Variants in ANTXR2 observed in about 807,000 individuals in gnomAD.
ANTXR2 encodes anthrax toxin receptor 2.
In ANTXR2, 44 loss-of-function variants were observed where a neutral mutation model predicts 73.7. That is an observed-to-expected ratio of 0.60 (90% CI 0.47 to 0.77). The LOEUF is 0.77. Among genes scored for constraint, ANTXR2 ranks in the 30% least tolerant of loss-of-function variants. ANTXR2 has a pLI of 0.00. For synonymous variants in ANTXR2, 217 were observed against 205.9 expected (o/e 1.05, Z -0.46); for missense variants, 604 against 592.5 (o/e 1.02, Z -0.20).
intron 7 of ANTXR2, among the ~76,000 whole-genome samples, chr4:80,036,631 C>G (rs1000305292): frequency 6.6e-6 from 1 of 151,814 alleles, no homozygotes; most frequent in African/African-American, 2.4e-5. Context: ...TGAATCCTGT[C>G]TCTACTAAAA....
chr4:79,925,925 GC>G, intron 16 of ANTXR2, among the ~76,000 whole-genome samples: 1 of 152,116 alleles, frequency 6.6e-6, no homozygotes, highest in Middle Eastern at 3.4e-3. Context: ...TTCTTTGGTT[GC>G]TTTTCACATT....
At chr4:79,952,576 C>T (rs1239006491) in intron 16 of ANTXR2, among the ~76,000 whole-genome samples, 1 of 151,724 alleles carries the variant, frequency 6.6e-6, no homozygotes, top group Non-Finnish European at 1.5e-5. Flanking sequence ...AATTATAGCA[C>T]TTATAATTTA....
At chr4:79,977,791 ATCT>A in intron 15 of ANTXR2, 90 bp from the exon 16 acceptor site, 1 of 1,348,982 alleles carries the variant, frequency 7.4e-7, no homozygotes, top group East Asian at 2.5e-5. Flanking sequence ...AGAAAGTAAA[ATCT>A]TCTTTACCCT....
intron 16 of ANTXR2, among the ~76,000 whole-genome samples, chr4:79,923,443 T>C (rs1339792852): frequency 6.6e-6 from 1 of 151,952 alleles, no homozygotes; most frequent in African/African-American, 2.4e-5. Flanking sequence ...CATCAATTAA[T>C]AGGGAAGTGG....
At position 79,926,947 on chromosome 4, in the gene ANTXR2, A is replaced by G. The variant is rs13144654; in HGVS notation, c.1429-19480T>C. Among the ~76,000 whole-genome samples the G allele has an allele frequency of 6.3e-3, 423 of 67,456 alleles. No homozygotes were observed. The East Asian group carries it at 0.1, about 16-fold the overall frequency. The allele number at this position is 67,456 out of a possible 152,430, so 44.3% of individuals were successfully genotyped here. A position where few individuals can be genotyped will look rare whatever the true frequency, so the allele number is the denominator to read the frequency against. On this transcript the variant is annotated intron_variant, in intron 16 of 16. Transcript: ENST00000403729. Reference sequence around the variant, plus strand: ...TATATACACATGTGCATATATGTGTATATATACGTGTGCATATATGTGTAT... The same window carrying G: ...TATATACACATGTGCATATATGTGTGTATATACGTGTGCATATATGTGTAT...
chr4:79,948,890 C>T (rs1331637085), intron 16 of ANTXR2, among the ~76,000 whole-genome samples: 3 of 152,066 alleles, frequency 2.0e-5, no homozygotes, highest in Admixed American at 6.6e-5. Flanking sequence ...TTATGATATG[C>T]TCTGTACATG....
chr4:80,019,802 A>G (rs1370537765), intron 10 of ANTXR2, among the ~76,000 whole-genome samples: 2 of 152,198 alleles, frequency 1.3e-5, no homozygotes, highest in Non-Finnish European at 2.9e-5. Context: ...AGAAGAGATA[A>G]TAATTTTTGT....
At chr4:79,920,032 T>C (rs62297554) in intron 16 of ANTXR2, among the ~76,000 whole-genome samples, 8,334 of 151,246 alleles carry the variant, frequency 0.055, 331 homozygotes, top group Middle Eastern at 0.13. Flanking sequence ...TAAAATCCTT[T>C]AATGCTAAGT....
intron 11 of ANTXR2, among the ~76,000 whole-genome samples, chr4:80,018,594 G>GA (rs1451424725): frequency 6.6e-6 from 1 of 151,936 alleles, no homozygotes; most frequent in Non-Finnish European, 1.5e-5. Flanking sequence ...AATGTTTTAA[G>GA]AAAAAAAGTG....
At chr4:80,069,699 A>G (rs1734692078) in intron 2 of ANTXR2, among the ~76,000 whole-genome samples, 192 bp from the exon 3 acceptor site, 1 of 152,178 alleles carries the variant, frequency 6.6e-6, no homozygotes, top group Non-Finnish European at 1.5e-5. Context: ...GATTTAGTCA[A>G]CGCTTCCCAG....
intron 16 of ANTXR2, among the ~76,000 whole-genome samples, chr4:79,916,705 G>T (rs967187736): frequency 2.2e-4 from 34 of 152,048 alleles, no homozygotes; most frequent in African/African-American, 8.2e-4. Context: ...AAAATGGAAT[G>T]CTATAAATAA....
chr4:80,017,949 A>C (rs1731953216), intron 11 of ANTXR2, among the ~76,000 whole-genome samples: 1 of 152,216 alleles, frequency 6.6e-6, no homozygotes, highest in South Asian at 2.1e-4. Flanking sequence ...AAAGTGACCC[A>C]AGGGTCCATA....
intron 7 of ANTXR2, among the ~76,000 whole-genome samples, chr4:80,048,221 T>C (rs1331316107): frequency 6.7e-6 from 1 of 148,436 alleles, no homozygotes; most frequent in Non-Finnish European, 1.5e-5. Context: ...TTCAGAAATA[T>C]GAATTAAGCA....
In ANTXR2 at chr4:79,907,484, A is replaced by T. The variant is rs773069838; in HGVS notation, c.1429-17T>A. 2 of 1,610,966 alleles carry T rather than the reference A, an allele frequency of 1.2e-6. No homozygotes were observed. The highest frequency in any genetic ancestry group is 8.5e-7 in the Non-Finnish European group (1 of 1,177,552). On this transcript the variant is annotated splice_polypyrimidine_tract_variant and intron_variant, in intron 16 of 16. Coordinates refer to ENST00000403729, the MANE Select transcript of ANTXR2 (RefSeq NM_058172.6). ...GCACCGGCCCTGAAGAAAGAAATAA[A>T]TCCATATTGAAATATTGAAGCCATT...
At chr4:79,929,737 C>T (rs1017937681) in intron 16 of ANTXR2, among the ~76,000 whole-genome samples, 2 of 151,510 alleles carry the variant, frequency 1.3e-5, no homozygotes, top group African/African-American at 4.9e-5. Context: ...TGCAAATATA[C>T]AAAAAAAAGT....
intron 12 of ANTXR2, among the ~76,000 whole-genome samples, chr4:79,991,955 A>G (rs1028462886): frequency 6.6e-6 from 1 of 151,878 alleles, no homozygotes; most frequent in African/African-American, 2.4e-5. Flanking sequence ...CAGGGCCTAC[A>G]TGAAGTGAGA....
chr4:80,071,606 C>T lies in ANTXR2; in HGVS notation c.201G>A (p.Gln67=), dbSNP rs762203979. The change falls in exon 2 of 17, where the codon CAG becomes CAA. Residue 67 remains glutamine, a synonymous_variant. Transcript: ENST00000403729. ...ACCTCACAAATCTCTCCGCAAGTTG[C>T]TGTACGAAATTATAAATTTCAATCC... ...NNWIEIYNFV[Q]QLAERFVSPE... is the part of the protein sequence containing the mutation. The T allele has an allele frequency of 6.2e-7, 1 of 1,613,020 alleles. No individual in the cohort carries two copies. Among genetic ancestry groups the T allele is most frequent in the Non-Finnish European group, 8.5e-7 (1 of 1,179,090 alleles).
At chr4:80,003,534 A>G (rs1578145906) in intron 12 of ANTXR2, among the ~76,000 whole-genome samples, 1 of 152,026 alleles carries the variant, frequency 6.6e-6, no homozygotes, top group Non-Finnish European at 1.5e-5. Context: ...CACATTGTGC[A>G]CATGTACCCT....
chr4:79,937,774 G>T (rs1027008792), intron 16 of ANTXR2, among the ~76,000 whole-genome samples: 1 of 151,700 alleles, frequency 6.6e-6, no homozygotes, highest in South Asian at 2.1e-4. Context: ...CAGCGTGAGC[G>T]ACGCAGAAGA....
Sources: gnomAD v4.1 joint callset for allele counts (sites outside exome capture counted in the v4.1 genomes callset) on GRCh38, gnomAD v4.1.1 for gene constraint, MANE v1.5 for transcripts, NCBI Gene and HGNC (gene_info 2026-07-23, HGNC 2026-07-21) for gene names.